Variants in GK5 observed in about 807,000 individuals in gnomAD.
GK5 encodes glycerol kinase 5.
GK5 carries 39 observed loss-of-function variants against 77.3 expected under a neutral mutation model. That is an observed-to-expected ratio of 0.50 (90% confidence interval 0.39 to 0.66). GK5 has a LOEUF of 0.66. GK5 is among the 30% of genes least tolerant of loss of function. GK5 has a pLI of 0.00. For missense variants in GK5, 487 were observed against 633.8 expected (o/e 0.77, Z 2.49); for synonymous variants, 211 against 208.0 (o/e 1.01, Z -0.13).
chr3:142,186,549 G>C, intron 6 of GK5, 36 bp from the exon 7 acceptor site: 1 of 1,012,920 alleles, frequency 9.9e-7, no homozygotes, highest in South Asian at 1.6e-5. Flanking sequence ...TTTATTATCA[G>C]ATAGTATAAA....
chr3:142,183,659 T>C (rs973512147), intron 9 of GK5, among the ~76,000 whole-genome samples: 5 of 152,210 alleles, frequency 3.3e-5, no homozygotes, highest in Admixed American at 1.3e-4. Flanking sequence ...TTAGTAGACA[T>C]GGAGTTTCAC....
intron 12 of GK5, among the ~76,000 whole-genome samples, chr3:142,176,928 T>TGGGATTA (rs1431499658): frequency 6.6e-6 from 1 of 152,152 alleles, no homozygotes; most frequent in African/African-American, 2.4e-5. Context: ...CCCAAAGTGC[T>TGGGATTA]GGGATTATAG....
chr3:142,173,069 T>C, intron 12 of GK5: 1 of 329,574 alleles, frequency 3.0e-6, no homozygotes, highest in Non-Finnish European at 6.0e-6. Flanking sequence ...CTGGGTGTGA[T>C]ACACACCTGT....
At chr3:142,199,967 TTTTTTC>T (rs2063993188) in intron 4 of GK5, among the ~76,000 whole-genome samples, 1 of 152,064 alleles carries the variant, frequency 6.6e-6, no homozygotes, top group East Asian at 1.9e-4. Context: ...TAATATAAAT[TTTTTTC>T]TTTCATTTTT....
chr3:142,173,805 T>C (rs60348857), intron 12 of GK5, among the ~76,000 whole-genome samples: 31,453 of 152,094 alleles, frequency 0.21, 3,382 homozygotes, highest in Middle Eastern at 0.28. Context: ...CGCTAACACA[T>C]CAAAATGGTC....
intron 12 of GK5, 81 bp downstream of exon 12, chr3:142,177,401 C>G: frequency 1.3e-6 from 1 of 779,492 alleles, no homozygotes; most frequent in Non-Finnish European, 2.2e-6. Flanking sequence ...TTTAAGGTAA[C>G]AGAATGGTAG....
chr3:142,213,038 G>A (rs926442434), intron 3 of GK5, among the ~76,000 whole-genome samples: 5 of 151,650 alleles, frequency 3.3e-5, no homozygotes, highest in African/African-American at 1.2e-4. Flanking sequence ...GTTTCACCGT[G>A]TTAGCCAGGA....
At chr3:142,220,744 T>A (rs751669764) in intron 1 of GK5, among the ~76,000 whole-genome samples, 3 of 152,250 alleles carry the variant, frequency 2.0e-5, no homozygotes, top group Non-Finnish European at 4.4e-5. Flanking sequence ...AGTGAGTATA[T>A]GAATGAACAT....
chr3:142,205,827 G>A (rs903227202), intron 3 of GK5, among the ~76,000 whole-genome samples: 2 of 152,046 alleles, frequency 1.3e-5, no homozygotes, highest in Non-Finnish European at 2.9e-5. Flanking sequence ...CATTCACAAC[G>A]TTGTGCAACC....
chr3:142,215,176 G>A (rs1197782205), intron 2 of GK5, among the ~76,000 whole-genome samples: 1 of 152,126 alleles, frequency 6.6e-6, no homozygotes, highest in Non-Finnish European at 1.5e-5. Flanking sequence ...GGCCAGGAAA[G>A]CACTTTATGT....
In GK5 at chr3:142,157,693, C is replaced by A. The variant is rs1032902147; in HGVS notation, c.*7929G>T. Reference sequence around the variant, plus strand: ...TATCTTTTCTCCAGTTATTTATAATCTTTCTAAATATTTTAAAATACAGTA... The same window carrying A: ...TATCTTTTCTCCAGTTATTTATAATATTTCTAAATATTTTAAAATACAGTA... On this transcript the variant is annotated 3_prime_UTR_variant, in exon 16 of 16. Transcript: ENST00000392993. 1 of 152,074 alleles carries A rather than the reference C, an allele frequency of 6.6e-6. No homozygotes were observed. Among genetic ancestry groups the A allele is most frequent in the Non-Finnish European group, 1.5e-5 (1 of 68,014 alleles). The allele number at this position is 152,074 out of a possible 1,614,324, so 9.4% of individuals were successfully genotyped here.
At chr3:142,223,851 GA>G (rs1245878929) in intron 1 of GK5, among the ~76,000 whole-genome samples, 1 of 152,034 alleles carries the variant, frequency 6.6e-6, no homozygotes, top group Non-Finnish European at 1.5e-5. Context: ...AGAAAAAAAA[GA>G]AAAACTTAAT....
intron 10 of GK5, 121 bp downstream of exon 10, chr3:142,182,802 A>G: frequency 1.6e-6 from 1 of 638,774 alleles, no homozygotes; most frequent in Non-Finnish European, 2.6e-6. Flanking sequence ...AACTGTCTTT[A>G]AGAATAATAA....
At chr3:142,212,604 G>A (rs962251235) in intron 3 of GK5, among the ~76,000 whole-genome samples, 3 of 152,124 alleles carry the variant, frequency 2.0e-5, no homozygotes, top group Admixed American at 1.3e-4. Context: ...AAGAACATAC[G>A]CTTCTGAGTC....
chr3:142,203,921 G>C (rs1175560974), intron 4 of GK5, among the ~76,000 whole-genome samples: 1 of 152,180 alleles, frequency 6.6e-6, no homozygotes, highest in Non-Finnish European at 1.5e-5. Context: ...GGCAATTTGA[G>C]ACAAATAACA....
chr3:142,211,654 T>C (rs2064189706), intron 3 of GK5, among the ~76,000 whole-genome samples: 1 of 152,154 alleles, frequency 6.6e-6, no homozygotes, highest in African/African-American at 2.4e-5. Flanking sequence ...TAGCCAGCCA[T>C]AGTGTGGTAC....
intron 11 of GK5, among the ~76,000 whole-genome samples, 185 bp from the exon 12 acceptor site, chr3:142,177,761 T>C (rs545750323): frequency 1.3e-5 from 2 of 152,148 alleles, no homozygotes; most frequent in Non-Finnish European, 1.5e-5. Context: ...ATCTGAATTC[T>C]CACACTGCAT....
Position 142,207,143 on chromosome 3 carries a change from A to AC in GK5, c.318-2356_318-2355insG, listed in dbSNP as rs2064120180. Among the ~76,000 whole-genome samples the AC allele has an allele frequency of 1.1e-4, 17 of 152,338 alleles. No individual in the cohort carries two copies. The South Asian group carries it at 2.3e-3, about 20-fold the overall frequency. On this transcript the variant is annotated intron_variant, in intron 3 of 15. Transcript: ENST00000392993. Reference sequence around the variant, plus strand: ...GCAGTCAGGGAGGTTTCACATCACCAAGATTCCTATCCCAGAAAAGCAGAT... The same window carrying AC: ...GCAGTCAGGGAGGTTTCACATCACCACAGATTCCTATCCCAGAAAAGCAGAT...
chr3:142,189,435 CTTA>C (rs1408058151), intron 5 of GK5, among the ~76,000 whole-genome samples: 1 of 152,094 alleles, frequency 6.6e-6, no homozygotes, highest in East Asian at 1.9e-4. Context: ...TTCAAGTATT[CTTA>C]TATTTCAAAC....
Sources: gnomAD v4.1 joint callset for allele counts (sites outside exome capture counted in the v4.1 genomes callset) on GRCh38, gnomAD v4.1.1 for gene constraint, MANE v1.5 for transcripts, NCBI Gene and HGNC (gene_info 2026-07-23, HGNC 2026-07-21) for gene names.